Variants in DNAJC17 observed in about 807,000 individuals in gnomAD.
DNAJC17 encodes DnaJ heat shock protein family (Hsp40) member C17, also known as dnaJ homolog subfamily C member 17.
Under a neutral mutation model 48.1 loss-of-function variants are expected in DNAJC17, and 35 were observed. The observed-to-expected ratio is 0.73, with a 90% CI of 0.56 to 0.96. The LOEUF is 0.96. Ranked by LOEUF, DNAJC17 falls within the 50% of genes least tolerant of loss-of-function variation. DNAJC17 has a pLI of 0.00. For synonymous variants in DNAJC17, 117 were observed against 142.7 expected (o/e 0.82, Z 1.28); for missense variants, 355 against 377.1 (o/e 0.94, Z 0.48).
At chr15:40,781,738 G>C (rs917091427) in intron 1 of DNAJC17, among the ~76,000 whole-genome samples, 1 of 150,194 alleles carries the variant, frequency 6.7e-6, no homozygotes, top group Non-Finnish European at 1.5e-5. Context: ...CGGCTAACAC[G>C]GTGAAACCCC....
intron 1 of DNAJC17, among the ~76,000 whole-genome samples, chr15:40,804,097 G>T (rs555435180): frequency 1.3e-5 from 2 of 151,792 alleles, no homozygotes; most frequent in South Asian, 4.2e-4. Context: ...CTCCCATGTA[G>T]CGGGGACTAC....
At chr15:40,791,663 G>A (rs1889810774) in intron 1 of DNAJC17, among the ~76,000 whole-genome samples, 1 of 152,078 alleles carries the variant, frequency 6.6e-6, no homozygotes, top group Non-Finnish European at 1.5e-5. Flanking sequence ...TGGCCAACAT[G>A]GTGAAATCCT....
At chr15:40,781,582 A>G (rs931301540) in intron 1 of DNAJC17, among the ~76,000 whole-genome samples, 9 of 152,156 alleles carry the variant, frequency 5.9e-5, no homozygotes, top group African/African-American at 1.9e-4. Flanking sequence ...ATAAAATATT[A>G]TAGTAGACAG....
intron 1 of DNAJC17, among the ~76,000 whole-genome samples, chr15:40,794,900 G>A (rs943813518): frequency 3.3e-5 from 5 of 151,952 alleles, no homozygotes; most frequent in African/African-American, 9.7e-5. Context: ...TGTATTTTTA[G>A]TAGAGATGGG....
intron 1 of DNAJC17, among the ~76,000 whole-genome samples, chr15:40,798,205 G>GA (rs1889986546): frequency 1.3e-5 from 2 of 152,188 alleles, no homozygotes; most frequent in Admixed American, 1.3e-4. Context: ...GCTGAACCTT[G>GA]AAAGCATGAT....
intron 1 of DNAJC17, among the ~76,000 whole-genome samples, chr15:40,784,548 A>G (rs1181560964): frequency 6.6e-6 from 1 of 152,206 alleles, no homozygotes; most frequent in Non-Finnish European, 1.5e-5. Context: ...AAACTGTGAC[A>G]TAAGGGTTAA....
At chr15:40,791,077 C>T (rs1239338483) in intron 1 of DNAJC17, among the ~76,000 whole-genome samples, 1 of 151,914 alleles carries the variant, frequency 6.6e-6, no homozygotes, top group African/African-American at 2.4e-5. Context: ...GTGACTCATG[C>T]CTGTAATCCT....
At chr15:40,784,510 T>C (rs1411415627) in intron 1 of DNAJC17, among the ~76,000 whole-genome samples, 1 of 152,134 alleles carries the variant, frequency 6.6e-6, no homozygotes, top group Non-Finnish European at 1.5e-5. Context: ...AGGTAGAAAT[T>C]ATTATCCTCC....
intron 1 of DNAJC17, among the ~76,000 whole-genome samples, chr15:40,803,037 A>G (rs1260912652): frequency 6.6e-6 from 1 of 150,664 alleles, no homozygotes; most frequent in Non-Finnish European, 1.5e-5. Flanking sequence ...CAGGAGGCAG[A>G]GTTTGCAGTG....
chr15:40,802,286 T>A (rs1890096822), intron 1 of DNAJC17, among the ~76,000 whole-genome samples: 1 of 151,330 alleles, frequency 6.6e-6, no homozygotes, highest in East Asian at 2.0e-4. Flanking sequence ...TTCTCCTGCC[T>A]CAGCCTCCCA....
intron 5 of DNAJC17, 51 bp from the exon 6 acceptor site, chr15:40,776,343 C>T (rs759375950): frequency 6.3e-7 from 1 of 1,582,582 alleles, no homozygotes; most frequent in Non-Finnish European, 8.6e-7. Flanking sequence ...CAATTCCAGG[C>T]TGGCTCACCT....
At position 40,783,708 on chromosome 15, in the gene DNAJC17, T is replaced by A. The variant is rs1380396045; in HGVS notation, c.79-3711A>T. On this transcript the variant is annotated intron_variant, in intron 1 of 10. Coordinates refer to ENST00000220496, the MANE Select transcript of DNAJC17 (RefSeq NM_018163.3). Reference sequence around the variant, plus strand: ...GTGAAACTTGTATCTACTAAAAATATAAAAATTAGCCGGGTGTGGTGGTGC... The same window carrying A: ...GTGAAACTTGTATCTACTAAAAATAAAAAAATTAGCCGGGTGTGGTGGTGC... Among the ~76,000 whole-genome samples the A allele has an allele frequency of 4.7e-5, 7 of 150,190 alleles. No individual in the cohort carries two copies. In the East Asian group the frequency reaches 1.4e-3, roughly 30 times the overall value.
chr15:40,796,178 T>C (rs976341526), intron 1 of DNAJC17, among the ~76,000 whole-genome samples: 10 of 152,220 alleles, frequency 6.6e-5, no homozygotes, highest in Non-Finnish European at 1.5e-4. Context: ...CAAAGATTTA[T>C]TAAGCATCTA....
intron 9 of DNAJC17, chr15:40,774,146 C>T: frequency 1.6e-6 from 1 of 626,014 alleles, no homozygotes. Context: ...CTGTGCTCTC[C>T]TTTCTCCCCA....
intron 9 of DNAJC17, 78 bp from the exon 10 acceptor site, chr15:40,773,915 A>G (rs1889238921): frequency 7.7e-7 from 1 of 1,290,774 alleles, no homozygotes; most frequent in East Asian, 2.5e-5. Context: ...CACAGAGAGA[A>G]CGGAACCAGC....
intron 8 of DNAJC17, 58 bp from the exon 9 acceptor site, chr15:40,774,494 A>T (rs1418550129): frequency 6.3e-7 from 1 of 1,593,386 alleles, no homozygotes; most frequent in African/African-American, 1.3e-5. Context: ...GGCCCAGGTC[A>T]TGCCAGAGAC....
At chr15:40,778,526 C>T (rs985691376) in intron 4 of DNAJC17, among the ~76,000 whole-genome samples, 40 of 151,422 alleles carry the variant, frequency 2.6e-4, no homozygotes, top group Non-Finnish European at 4.7e-4. Context: ...GCTGGGATTA[C>T]AGGCGTGAGC....
chr15:40,792,460 G>A, intron 1 of DNAJC17: 1 of 985,332 alleles, frequency 1.0e-6, no homozygotes, highest in Middle Eastern at 5.2e-4. Flanking sequence ...TACCTGCCAA[G>A]ATGAATGAGC....
Position 40,770,330 on chromosome 15 carries a change from C to T in DNAJC17, c.793-2268G>A, listed in dbSNP as rs542934983. The T allele has an allele frequency of 2.9e-6, 2 of 679,148 alleles. No individual in the cohort carries two copies. Among genetic ancestry groups the T allele is most frequent in the Admixed American group, 3.0e-5 (1 of 33,536 alleles). The allele number at this position is 679,148 out of a possible 1,614,324, so 42.1% of individuals were successfully genotyped here. A position where few individuals can be genotyped will look rare whatever the true frequency, so the allele number is the denominator to read the frequency against. ...GCAAAAAAGTTCCTTCTTCCTGAGC[C>T]CTCCTCTCACCATCCAAGATGTGGT... On this transcript the variant is annotated intron_variant, in intron 10 of 10. Coordinates refer to ENST00000220496, the MANE Select transcript of DNAJC17 (RefSeq NM_018163.3). This position sits in a 1 kb window ranked among gnomAD's most constrained non-coding sequence, Gnocchi z 5.0.
Sources: allele counts gnomAD v4.1 joint callset (sites outside exome capture counted in the v4.1 genomes callset), GRCh38; gene constraint gnomAD v4.1.1; non-coding constraint Gnocchi (gnomAD v3.1); transcripts MANE v1.5; gene names NCBI Gene and HGNC (gene_info 2026-07-23, HGNC 2026-07-21).